OR3A2: variants seen among roughly 807,000 people sequenced by gnomAD.
OR3A2 encodes the protein olfactory receptor family 3 subfamily A member 2.
For synonymous variants in OR3A2, 126 were observed against 159.3 expected (o/e 0.79, Z 1.57); for missense variants, 318 against 392.8 (o/e 0.81, Z 1.61).
intron 2 of OR3A2, among the ~76,000 whole-genome samples, chr17:3,336,773 C>A (rs1388536818): frequency 6.6e-6 from 1 of 152,182 alleles, no homozygotes; most frequent in Non-Finnish European, 1.5e-5. Flanking sequence ...GACTTCTCCA[C>A]AAAATCAAGA....
exon 2 of OR3A2, chr17:3,278,060 A>G: frequency 6.2e-7 from 1 of 1,614,112 alleles, no homozygotes; most frequent in Non-Finnish European, 8.5e-7. Context: ...GGTTCAGCAT[A>G]GGGTTGATAA....
At chr17:3,385,283 T>G (rs1311332129) in intron 1 of OR3A2, among the ~76,000 whole-genome samples, 1 of 152,318 alleles carries the variant, frequency 6.6e-6, no homozygotes, top group African/African-American at 2.4e-5. Context: ...TGCAGTAAGG[T>G]GCTTTATGAA....
intron 2 of OR3A2, among the ~76,000 whole-genome samples, chr17:3,371,751 T>C (rs1294526764): frequency 7.9e-6 from 1 of 126,932 alleles, no homozygotes; most frequent in African/African-American, 3.0e-5. Context: ...GAGGGACTCC[T>C]CACTTCCCAG....
intron 2 of OR3A2, among the ~76,000 whole-genome samples, chr17:3,357,535 G>C (rs1039310768): frequency 3.3e-5 from 5 of 151,622 alleles, no homozygotes; most frequent in East Asian, 1.9e-4. Context: ...AAGGTAGAAT[G>C]GTGGTTGCCA....
intron 2 of OR3A2, among the ~76,000 whole-genome samples, chr17:3,337,074 T>C (rs1597347606): frequency 6.6e-6 from 1 of 152,302 alleles, no homozygotes; most frequent in African/African-American, 2.4e-5. Flanking sequence ...AAAATGGACA[T>C]TCAGGTCCCA....
intron 3 of OR3A2, chr17:3,291,895 G>A (rs563221275): frequency 1.4e-5 from 22 of 1,614,194 alleles, no homozygotes; most frequent in South Asian, 7.7e-5. Flanking sequence ...GAGCGAATTC[G>A]CAGGACTGCA....
intron 3 of OR3A2, among the ~76,000 whole-genome samples, chr17:3,321,989 A>G (rs9901903): frequency 0.15 from 22,865 of 151,912 alleles, 2,306 homozygotes; most frequent in African/African-American, 0.28. Flanking sequence ...GGTAGAATTC[A>G]GCTGTGAATC....
At chr17:3,309,312 T>C (rs2049021917) in intron 3 of OR3A2, among the ~76,000 whole-genome samples, 1 of 152,142 alleles carries the variant, frequency 6.6e-6, no homozygotes, top group Non-Finnish European at 1.5e-5. Flanking sequence ...CCCTATCTGG[T>C]GATCAGATAA....
intron 3 of OR3A2, among the ~76,000 whole-genome samples, chr17:3,312,917 C>G (rs2049055726): frequency 6.6e-6 from 1 of 152,162 alleles, no homozygotes; most frequent in African/African-American, 2.4e-5. Context: ...AGTCACTGCA[C>G]CTGGCCATAA....
In OR3A2 at chr17:3,362,464, T is replaced by C. The variant is rs901567134; in HGVS notation, c.-179+21340A>G. The stretch of plus-strand genomic sequence containing the variant: ...TTATTTCTTGCCTTCTGCTAGCTTT[T>C]GAATGTGTTTGCTCTTGCTTCTCTA... On this transcript the variant is annotated intron_variant, in intron 2 of 4. Coordinates refer to the OR3A2 transcript ENST00000573491. Among the ~76,000 whole-genome samples the C allele has an allele frequency of 2.0e-5, 3 of 151,778 alleles. 1 individual carries two copies. Among genetic ancestry groups the C allele is most frequent in the African/African-American group, 4.9e-5 (2 of 41,036 alleles).
intron 2 of OR3A2, among the ~76,000 whole-genome samples, chr17:3,376,472 G>C (rs941832983): frequency 0.057 from 4 of 70 alleles, no homozygotes; most frequent in African/African-American, 0.14. Context: ...CAGCCACTGT[G>C]GGGGACGGAA....
In OR3A2 at chr17:3,355,679, A is replaced by G. The variant is rs1412660683; in HGVS notation, c.-178-19553T>C. On this transcript the variant is annotated intron_variant, in intron 2 of 4. Coordinates refer to the OR3A2 transcript ENST00000573491. Reference sequence around the variant, plus strand: ...TTTCATTGGCATGGAATCTTTTTCCATCTATTATTTTCAGTCTGTGTGCAT... The same window carrying G: ...TTTCATTGGCATGGAATCTTTTTCCGTCTATTATTTTCAGTCTGTGTGCAT... Among the ~76,000 whole-genome samples the G allele has an allele frequency of 8.6e-5, 13 of 151,122 alleles. 2 individuals carry two copies. The highest frequency in any genetic ancestry group is 2.7e-4 in the African/African-American group (11 of 40,894).
chr17:3,349,021 C>G (rs2049395219), intron 2 of OR3A2, among the ~76,000 whole-genome samples: 1 of 152,010 alleles, frequency 6.6e-6, no homozygotes, highest in African/African-American at 2.4e-5. Flanking sequence ...TAAAAGAGTT[C>G]CTGAAGGAAG....
intron 2 of OR3A2, among the ~76,000 whole-genome samples, chr17:3,383,530 G>C (rs2049755698): frequency 6.6e-6 from 1 of 152,200 alleles, no homozygotes; most frequent in Admixed American, 6.5e-5. Context: ...TGAAAATCCA[G>C]GTGGCTCTAA....
upstream of OR3A2, among the ~76,000 whole-genome samples, chr17:3,285,863 G>A (rs2048805695): frequency 6.6e-6 from 1 of 152,208 alleles, no homozygotes; most frequent in Non-Finnish European, 1.5e-5. Flanking sequence ...ATGGTAACAT[G>A]CTAAGAACAC....
exon 2 of OR3A2, chr17:3,277,823 T>C (rs1351263333): frequency 3.7e-6 from 3 of 821,822 alleles, no homozygotes; most frequent in Non-Finnish European, 5.8e-6. Flanking sequence ...TTATGTAGGG[T>C]TTCCTAGTAG....
chr17:3,384,992 G>C (rs909386059), intron 1 of OR3A2, among the ~76,000 whole-genome samples: 3 of 152,100 alleles, frequency 2.0e-5, no homozygotes, highest in African/African-American at 7.2e-5. Context: ...GGGAGTTCGA[G>C]ACCAGCCTGA....
chr17:3,321,284 G>A (rs888366843), intron 3 of OR3A2, among the ~76,000 whole-genome samples: 2 of 152,028 alleles, frequency 1.3e-5, no homozygotes, highest in African/African-American at 4.8e-5. Flanking sequence ...TTTGGGCTGA[G>A]ACAATGGAGT....
At chr17:3,301,689 G>C (rs1464234329) in intron 3 of OR3A2, among the ~76,000 whole-genome samples, 1 of 152,046 alleles carries the variant, frequency 6.6e-6, no homozygotes, top group Non-Finnish European at 1.5e-5. Flanking sequence ...AGAAGCTCTT[G>C]TTTAATTAGG....
Sources: allele counts gnomAD v4.1 joint callset (sites outside exome capture counted in the v4.1 genomes callset), GRCh38; gene constraint gnomAD v4.1.1; transcripts MANE v1.5; gene names NCBI Gene and HGNC (gene_info 2026-07-23, HGNC 2026-07-21).